CHST11: variants seen among roughly 807,000 people sequenced by gnomAD.
CHST11 encodes C4S-1.
CHST11 carries 9 observed loss-of-function variants against 30.4 expected under a neutral mutation model. That is an observed-to-expected ratio of 0.30 (90% CI 0.18 to 0.52). CHST11 has a LOEUF of 0.52. Among genes scored for constraint, CHST11 ranks in the 20% least tolerant of loss-of-function variants. The probability of loss-of-function intolerance (pLI) is 0.97; values close to 1 mark genes in which losing one functional copy is unlikely to be tolerated. For synonymous variants in CHST11, 152 were observed against 187.8 expected (o/e 0.81, Z 1.56); for missense variants, 348 against 460.6 (o/e 0.76, Z 2.24).
chr12:104,472,626 C>T (rs913352576), intron 1 of CHST11, among the ~76,000 whole-genome samples: 2 of 152,186 alleles, frequency 1.3e-5, no homozygotes, highest in Non-Finnish European at 2.9e-5. Context: ...CTAATACCAA[C>T]GTTTAGCTGC....
rs994625582 is a variant in CHST11 at position 104,759,017 on chromosome 12, C to A, written c.*1214C>A. On this transcript the variant is annotated 3_prime_UTR_variant, in exon 3 of 3. Coordinates refer to ENST00000303694, the MANE Select transcript of CHST11 (RefSeq NM_018413.6). ...ACACTCCTCAAGTGCCTCCTACTGT[C>A]ATCTCCATTCAGCCTAGCACCACAT... The A allele has an allele frequency of 2.0e-5, 3 of 152,264 alleles. No homozygotes were observed. The highest frequency in any genetic ancestry group is 7.2e-5 in the African/African-American group (3 of 41,456). The allele number at this position is 152,264 out of a possible 1,614,324, so 9.4% of individuals were successfully genotyped here. A position where few individuals can be genotyped will look rare whatever the true frequency, so the allele number is the denominator to read the frequency against.
intron 2 of CHST11, among the ~76,000 whole-genome samples, chr12:104,740,991 C>A (rs2040342200): frequency 1.3e-5 from 2 of 152,248 alleles, no homozygotes; most frequent in Admixed American, 1.3e-4. Context: ...TAAACAAAAT[C>A]TTCTTAGTAC....
intron 1 of CHST11, among the ~76,000 whole-genome samples, chr12:104,591,313 G>A (rs1444074618): frequency 1.3e-5 from 2 of 152,112 alleles, no homozygotes; most frequent in African/African-American, 4.8e-5. Flanking sequence ...TATTCTGGCC[G>A]CTGGTAGAGA....
intron 1 of CHST11, among the ~76,000 whole-genome samples, chr12:104,547,275 T>G (rs1433796135): frequency 2.0e-5 from 3 of 152,168 alleles, no homozygotes; most frequent in Admixed American, 1.3e-4. Flanking sequence ...GATGGTCTGA[T>G]TGCCAAGTGG....
At chr12:104,502,496 AT>A (rs2037861839) in intron 1 of CHST11, among the ~76,000 whole-genome samples, 1 of 152,118 alleles carries the variant, frequency 6.6e-6, no homozygotes, top group African/African-American at 2.4e-5. Context: ...ATTGCTAGTA[AT>A]TTAATTGGAA....
At chr12:104,570,130 G>T (rs1447417340) in intron 1 of CHST11, among the ~76,000 whole-genome samples, 3 of 151,996 alleles carry the variant, frequency 2.0e-5, no homozygotes, top group Non-Finnish European at 4.4e-5. Flanking sequence ...TATTTGGGAG[G>T]ATCTGTATTA....
chr12:104,686,982 A>G (rs1044829628), intron 2 of CHST11, among the ~76,000 whole-genome samples: 4 of 152,202 alleles, frequency 2.6e-5, no homozygotes, highest in East Asian at 1.9e-4. Context: ...TTAAAATTGT[A>G]TATTTTGGAT....
chr12:104,495,261 G>C (rs920947601), intron 1 of CHST11, among the ~76,000 whole-genome samples: 2 of 152,112 alleles, frequency 1.3e-5, no homozygotes, highest in Non-Finnish European at 2.9e-5. Flanking sequence ...GGCTGTTGTG[G>C]ATACTGCTGC....
rs141020976 is a variant in CHST11 at position 104,729,058 on chromosome 12, T to C, written c.205-27891T>C. ...CTGGTTAATGGGAATTTAGGGGAAT[T>C]TTATTTTCGTGTTATTGTTTTCCTC... On this transcript the variant is annotated intron_variant, in intron 2 of 2. Transcript: ENST00000303694. This position sits in a 1 kb window ranked among gnomAD's most constrained non-coding sequence, Gnocchi z 4.0. Among the ~76,000 whole-genome samples the C allele has an allele frequency of 2.3e-4, 35 of 152,248 alleles. No individual in the cohort carries two copies. In the East Asian group the frequency reaches 6.2e-3, roughly 27 times the overall value.
chr12:104,629,388 C>T (rs184567011), intron 2 of CHST11, among the ~76,000 whole-genome samples: 89 of 152,350 alleles, frequency 5.8e-4, no homozygotes, highest in African/African-American at 2.1e-3. Context: ...CCATAGAACT[C>T]ACAGTGGCTT....
chr12:104,704,162 G>A (rs2040013579), intron 2 of CHST11, among the ~76,000 whole-genome samples: 1 of 152,204 alleles, frequency 6.6e-6, no homozygotes, highest in Non-Finnish European at 1.5e-5. Flanking sequence ...GACAGTGTGA[G>A]AGAAAGGTGA....
At chr12:104,626,097 C>T (rs1404872313) in intron 2 of CHST11, among the ~76,000 whole-genome samples, 1 of 152,118 alleles carries the variant, frequency 6.6e-6, no homozygotes, top group African/African-American at 2.4e-5. Context: ...CTTCAGGACA[C>T]CAGCCTAAAA....
At chr12:104,685,067 G>T (rs1182932587) in intron 2 of CHST11, among the ~76,000 whole-genome samples, 1 of 152,122 alleles carries the variant, frequency 6.6e-6, no homozygotes, top group African/African-American at 2.4e-5. Flanking sequence ...CAGCTCCCAA[G>T]CAATTTTTCT....
chr12:104,755,045 A>C (rs1383892427), intron 2 of CHST11, among the ~76,000 whole-genome samples: 1 of 152,184 alleles, frequency 6.6e-6, no homozygotes, highest in Non-Finnish European at 1.5e-5. Context: ...TGCAGGGTGC[A>C]ATGGCTTCTC....
chr12:104,706,109 T>C (rs10746005), intron 2 of CHST11, among the ~76,000 whole-genome samples: 94,936 of 151,258 alleles, frequency 0.63, 31,372 homozygotes, highest in African/African-American at 0.83. Context: ...TATTGGTGGG[T>C]ACAGTGGCTC....
At chr12:104,680,928 CTGTGTGG>C (rs1379899192) in intron 2 of CHST11, among the ~76,000 whole-genome samples, 3 of 152,236 alleles carry the variant, frequency 2.0e-5, no homozygotes, top group African/African-American at 7.2e-5. Context: ...CACTTAATGG[CTGTGTGG>C]TCTTGGACAA....
chr12:104,536,603 T>C (rs2038239565), intron 1 of CHST11, among the ~76,000 whole-genome samples: 1 of 152,240 alleles, frequency 6.6e-6, no homozygotes, highest in East Asian at 1.9e-4. Flanking sequence ...GGATCAGAAC[T>C]GTGCTCAGCT....
intron 2 of CHST11, among the ~76,000 whole-genome samples, chr12:104,651,149 C>T (rs148573142): frequency 1.3e-5 from 2 of 152,320 alleles, no homozygotes; most frequent in East Asian, 3.9e-4. Flanking sequence ...AGCCATCCAG[C>T]ACATCACCAT....
intron 1 of CHST11, among the ~76,000 whole-genome samples, chr12:104,590,776 G>A (rs2038849895): frequency 6.6e-6 from 1 of 152,132 alleles, no homozygotes; most frequent in Admixed American, 6.5e-5. Context: ...CCAAAAATTA[G>A]CTGGACATGG....
Sources: gnomAD v4.1 joint callset for allele counts (sites outside exome capture counted in the v4.1 genomes callset) on GRCh38, gnomAD v4.1.1 for gene constraint, Gnocchi (gnomAD v3.1) non-coding constraint, MANE v1.5 for transcripts, NCBI Gene and HGNC (gene_info 2026-07-23, HGNC 2026-07-21) for gene names.